The following PRKN variants were observed in gnomAD, a reference collection of about 807,000 sequenced individuals.
PRKN encodes parkin RBR E3 ubiquitin protein ligase.
Under a neutral mutation model 59.5 loss-of-function variants are expected in PRKN, and 56 were observed. The observed-to-expected ratio is 0.94, with a 90% CI of 0.76 to 1.18. The LOEUF (loss-of-function observed/expected upper bound fraction) is 1.18. Among genes scored for constraint, PRKN ranks in the 50% most tolerant of loss-of-function variants. The pLI is 0.00. For missense variants in PRKN, 657 were observed against 596.4 expected (o/e 1.10, Z -1.06); for synonymous variants, 250 against 222.1 (o/e 1.13, Z -1.12).
intron 10 of PRKN, chr6:161,370,096 GA>G: frequency 5.9e-6 from 2 of 341,390 alleles, no homozygotes; most frequent in Non-Finnish European, 6.5e-6. Flanking sequence ...TGTACACATG[GA>G]AAAGACCACT....
intron 5 of PRKN, among the ~76,000 whole-genome samples, chr6:162,017,709 T>A (rs1157880256): frequency 6.6e-6 from 1 of 152,146 alleles, no homozygotes; most frequent in African/African-American, 2.4e-5. Context: ...CAGTAAAAGA[T>A]CCCCTTGGGA....
chr6:162,387,553 CACAGAGAGAG>C (rs1220428446), intron 2 of PRKN, among the ~76,000 whole-genome samples: 945 of 80,036 alleles, frequency 0.012, 1 homozygote, highest in African/African-American at 0.022. Flanking sequence ...CACACACACA[CACAGAGAGAG>C]AGAGAGAGAG....
intron 2 of PRKN, among the ~76,000 whole-genome samples, chr6:162,408,534 C>G (rs777915087): frequency 1.3e-5 from 2 of 152,270 alleles, no homozygotes; most frequent in East Asian, 3.9e-4. Context: ...CTAGGTCATT[C>G]AAGGCCTTTA....
At chr6:161,674,144 A>C (rs923824814) in intron 7 of PRKN, among the ~76,000 whole-genome samples, 1 of 152,160 alleles carries the variant, frequency 6.6e-6, no homozygotes, top group African/African-American at 2.4e-5. Flanking sequence ...ACTAAGCCCC[A>C]GGGAATCACA....
intron 3 of PRKN, among the ~76,000 whole-genome samples, chr6:162,247,467 A>G (rs1779248198): frequency 6.6e-6 from 1 of 152,142 alleles, no homozygotes; most frequent in African/African-American, 2.4e-5. Flanking sequence ...TATAACACCT[A>G]TGTCTGAAAA....
In PRKN at chr6:161,566,463, T is replaced by C. The variant is rs1780645987; in HGVS notation, c.933+2892A>G. ...ACTCTGTCACCCAGGCTGGAGTGCATTGGCACGATATTGGCTCACTGCAAC... is the reference window on the plus strand; with the variant it reads ...ACTCTGTCACCCAGGCTGGAGTGCACTGGCACGATATTGGCTCACTGCAAC... On this transcript the variant is annotated intron_variant, in intron 8 of 11. Coordinates refer to ENST00000366898, the MANE Select transcript of PRKN (RefSeq NM_004562.3). This position sits in a 1 kb window ranked among gnomAD's most constrained non-coding sequence, Gnocchi z 4.1. 6.6e-6 allele frequency among the ~76,000 whole-genome samples: 1 copy of C among 152,128 alleles called. No individual in the cohort carries two copies. Among genetic ancestry groups the C allele is most frequent in the South Asian group, 2.1e-4 (1 of 4,818 alleles).
At position 161,502,383 on chromosome 6, in the gene PRKN, T is replaced by G. The variant is rs1303506119; in HGVS notation, c.1083+46471A>C. On this transcript the variant is annotated intron_variant, in intron 9 of 11. Transcript: ENST00000366898. This position sits in a 1 kb window ranked among gnomAD's most constrained non-coding sequence, Gnocchi z 4.0. ...AAACCAATGACATCAAAAGGAGAGC[T>G]TCTAGAAGTAAACATGACTGATGGT... Among the ~76,000 whole-genome samples the G allele has an allele frequency of 2.0e-5, 3 of 152,084 alleles. No homozygotes were observed. The highest frequency in any genetic ancestry group is 7.2e-5 in the African/African-American group (3 of 41,412).
intron 2 of PRKN, among the ~76,000 whole-genome samples, chr6:162,409,016 T>G (rs1180621380): frequency 6.7e-6 from 1 of 149,578 alleles, no homozygotes; most frequent in Non-Finnish European, 1.5e-5. Context: ...TCTCTGACAC[T>G]GTTGTCTCCA....
intron 1 of PRKN, among the ~76,000 whole-genome samples, chr6:162,621,220 G>C (rs1193449949): frequency 6.6e-6 from 1 of 152,142 alleles, no homozygotes; most frequent in Non-Finnish European, 1.5e-5. Flanking sequence ...CCCTTCCCGG[G>C]TTCTCTGGGT....
intron 7 of PRKN, among the ~76,000 whole-genome samples, chr6:161,652,280 C>T (rs1303389543): frequency 6.6e-6 from 1 of 152,134 alleles, no homozygotes; most frequent in East Asian, 1.9e-4. Flanking sequence ...ATAGACAGAA[C>T]TAATGTATCA....
In PRKN at chr6:162,363,825, C is replaced by T. The variant is rs6455811; in HGVS notation, c.171+79485G>A. ...CTTGCCAAGATCAAAAGGTCCTGCC[C>T]GCTTTTAACAGACTATTACTCAGGG... On this transcript the variant is annotated intron_variant, in intron 2 of 11. Coordinates refer to ENST00000366898, the MANE Select transcript of PRKN (RefSeq NM_004562.3). Among the ~76,000 whole-genome samples, 1,140 of 152,262 alleles carry T rather than the reference C, an allele frequency of 7.5e-3. 3 individuals are homozygous for T. The highest frequency in any genetic ancestry group is 0.019 in the African/African-American group (807 of 41,540).
intron 9 of PRKN, among the ~76,000 whole-genome samples, chr6:161,492,201 C>A (rs753458328): frequency 2.2e-4 from 34 of 152,134 alleles, no homozygotes; most frequent in Non-Finnish European, 3.8e-4. Context: ...TTGCTTCATC[C>A]TTGATGCTAC....
At chr6:162,618,922 G>C (rs2128220351) in intron 1 of PRKN, among the ~76,000 whole-genome samples, 1 of 152,250 alleles carries the variant, frequency 6.6e-6, no homozygotes, top group Middle Eastern at 3.4e-3. Flanking sequence ...GGAACAGCTG[G>C]ATGACTCCAA....
chr6:162,387,055 CATTT>C (rs1786864818), intron 2 of PRKN, among the ~76,000 whole-genome samples: 1 of 151,890 alleles, frequency 6.6e-6, no homozygotes, highest in African/African-American at 2.4e-5. Context: ...AATATAGATT[CATTT>C]ATTTATTTAT....
At chr6:162,723,151 T>A (rs535361068) in intron 1 of PRKN, among the ~76,000 whole-genome samples, 1 of 152,292 alleles carries the variant, frequency 6.6e-6, no homozygotes, top group South Asian at 2.1e-4. Flanking sequence ...ACATTCCTGA[T>A]GGCAAGGGAC....
At chr6:162,259,033 C>T (rs1245665589) in intron 3 of PRKN, among the ~76,000 whole-genome samples, 2 of 152,164 alleles carry the variant, frequency 1.3e-5, no homozygotes, top group African/African-American at 4.8e-5. Flanking sequence ...GTCCAGCCAG[C>T]ACTTATATTC....
At chr6:162,595,439 A>G (rs1287644077) in intron 1 of PRKN, among the ~76,000 whole-genome samples, 3 of 151,824 alleles carry the variant, frequency 2.0e-5, no homozygotes, top group Non-Finnish European at 4.4e-5. Flanking sequence ...TATTTTTAGT[A>G]GAGACGGGTT....
intron 1 of PRKN, among the ~76,000 whole-genome samples, chr6:162,716,341 G>A (rs1278629125): frequency 2.0e-5 from 3 of 152,190 alleles, no homozygotes; most frequent in South Asian, 4.1e-4. Flanking sequence ...TCGCTCTTTC[G>A]TCCTTCTCAA....
chr6:162,492,877 C>A (rs2212513), intron 1 of PRKN, among the ~76,000 whole-genome samples: 1 of 150,800 alleles, frequency 6.6e-6, no homozygotes, highest in African/African-American at 2.4e-5. Flanking sequence ...TGCTTGAACC[C>A]GGGAGGCGGA....
Sources: allele counts gnomAD v4.1 joint callset (sites outside exome capture counted in the v4.1 genomes callset), GRCh38; gene constraint gnomAD v4.1.1; non-coding constraint Gnocchi (gnomAD v3.1); transcripts MANE v1.5; gene names NCBI Gene and HGNC (gene_info 2026-07-23, HGNC 2026-07-21).